ARHGEF7: variants seen among roughly 807,000 people sequenced by gnomAD.
ARHGEF7 encodes Rho guanine nucleotide exchange factor 7.
ARHGEF7 carries 33 observed loss-of-function variants against 109.8 expected under a neutral mutation model. The ratio of observed to expected loss-of-function variants is 0.30; its 90% confidence interval spans 0.23 to 0.40. ARHGEF7 has a LOEUF of 0.40. Among genes scored for constraint, ARHGEF7 ranks in the 10% least tolerant of loss-of-function variants. The pLI is 1.00. For missense variants in ARHGEF7, 938 were observed against 1,098.5 expected (o/e 0.85, Z 2.07); for synonymous variants, 458 against 424.6 (o/e 1.08, Z -0.97).
At chr13:111,244,964 G>A (rs1040705320) in intron 8 of ARHGEF7, among the ~76,000 whole-genome samples, 13 of 152,168 alleles carry the variant, frequency 8.5e-5, no homozygotes, top group Admixed American at 2.6e-4. Context: ...AAAAGTTGTC[G>A]AGATGCTTGA....
intron 5 of ARHGEF7, among the ~76,000 whole-genome samples, chr13:111,231,320 C>T (rs569244488): frequency 1.3e-5 from 2 of 152,204 alleles, no homozygotes; most frequent in South Asian, 4.1e-4. Context: ...GATTGGTTTT[C>T]CTCCTTGTAG....
At chr13:111,221,533 C>CTATATATCTA (rs1594883612) in intron 5 of ARHGEF7, among the ~76,000 whole-genome samples, 2 of 33,810 alleles carry the variant, frequency 5.9e-5, no homozygotes, top group Admixed American at 4.1e-4. Flanking sequence ...CTATATATAT[C>CTATATATCTA]TATATATAGA....
intron 4 of ARHGEF7, among the ~76,000 whole-genome samples, chr13:111,214,633 T>C (rs1376379062): frequency 2.0e-5 from 3 of 152,238 alleles, no homozygotes; most frequent in Non-Finnish European, 4.4e-5. Flanking sequence ...TGACAGTTTC[T>C]GGATGGGATC....
chr13:111,220,245 C>T (rs1248037687), intron 5 of ARHGEF7, among the ~76,000 whole-genome samples: 1 of 152,206 alleles, frequency 6.6e-6, no homozygotes, highest in Non-Finnish European at 1.5e-5. Flanking sequence ...AGGAGGACCT[C>T]GTTCGTTGCT....
intron 8 of ARHGEF7, among the ~76,000 whole-genome samples, chr13:111,253,430 T>A (rs2090031360): frequency 6.6e-6 from 1 of 152,246 alleles, no homozygotes; most frequent in Non-Finnish European, 1.5e-5. Context: ...AGAAGCCCTC[T>A]TATGGAACAT....
At chr13:111,128,708 A>G (rs1053169779) in intron 1 of ARHGEF7, among the ~76,000 whole-genome samples, 3 of 152,148 alleles carry the variant, frequency 2.0e-5, no homozygotes, top group African/African-American at 7.2e-5. Flanking sequence ...AAACATGTAC[A>G]CTCTCAGCAA....
intron 1 of ARHGEF7, among the ~76,000 whole-genome samples, chr13:111,128,512 C>T (rs1353885455): frequency 1.3e-5 from 2 of 152,038 alleles, no homozygotes; most frequent in African/African-American, 4.8e-5. Context: ...AACAAACAAA[C>T]AAACAAACAA....
intron 2 of ARHGEF7, among the ~76,000 whole-genome samples, chr13:111,161,732 T>C (rs1341235683): frequency 1.4e-5 from 2 of 148,070 alleles, no homozygotes; most frequent in Non-Finnish European, 3.0e-5. Context: ...TTAGTATTTC[T>C]TTTTTGGTAA....
rs965898616 is a variant in ARHGEF7, at chr13:111,292,427, T to C, written c.2311+133T>C. ...TGTTCCTTGTCTCTTTTATGTGATA[T>C]TTTAACAACTTTTGAGAGTGTTCCT... On this transcript the variant is annotated intron_variant, in intron 19 of 21. Coordinates refer to ENST00000646102, the MANE Select transcript of ARHGEF7 (RefSeq NM_001354046.2). 6 of 1,472,348 alleles carry C rather than the reference T, an allele frequency of 4.1e-6. No individual in the cohort carries two copies. The Admixed American group carries it at 7.7e-5, about 19-fold the overall frequency. 91.2% of individuals were successfully genotyped at this position (1,472,348 alleles called of 1,614,324 possible).
At chr13:111,244,133 T>C (rs2088340083) in intron 7 of ARHGEF7, 66 bp from the exon 8 acceptor site, 1 of 1,331,564 alleles carries the variant, frequency 7.5e-7, no homozygotes, top group Admixed American at 2.0e-5. Context: ...GACATTGGGA[T>C]GGCAAAGGAG....
rs1248198676 is a variant in ARHGEF7 at position 111,273,805 on chromosome 13, G to T, written c.1074-9G>T. The T allele has an allele frequency of 1.9e-6, 3 of 1,613,930 alleles. No individual in the cohort carries two copies. In the African/African-American group the frequency reaches 4.0e-5, roughly 22 times the overall value. On this transcript the variant is annotated splice_polypyrimidine_tract_variant and intron_variant, in intron 9 of 21. Coordinates refer to ENST00000646102, the MANE Select transcript of ARHGEF7 (RefSeq NM_001354046.2). This position sits in a 1 kb window ranked among gnomAD's most constrained non-coding sequence, Gnocchi z 4.5. ...ACCACGAGTGTCTCTCTTGCCACTT[G>T]CTGCCCAGTGAGGAGTTGGGGGAGT...
intron 4 of ARHGEF7, among the ~76,000 whole-genome samples, chr13:111,210,538 G>C (rs924446087): frequency 6.6e-6 from 1 of 152,180 alleles, no homozygotes. Context: ...AACAGTTGTC[G>C]TGGAGAGTGA....
At position 111,297,715 on chromosome 13, in the gene ARHGEF7, C is replaced by G. The variant is rs536368199; in HGVS notation, c.2312-3033C>G. Among the ~76,000 whole-genome samples, 13 of 152,330 alleles carry G rather than the reference C, an allele frequency of 8.5e-5. No homozygotes were observed. In the East Asian group the frequency reaches 2.5e-3, roughly 29 times the overall value. Reference sequence around the variant, plus strand: ...TGGTTCTGGCTGGAGGCAGTGGACACGTGGCTCATGGCCTCACAACTCCCG... The same window carrying G: ...TGGTTCTGGCTGGAGGCAGTGGACAGGTGGCTCATGGCCTCACAACTCCCG... On this transcript the variant is annotated intron_variant, in intron 19 of 21. Coordinates refer to ENST00000646102, the MANE Select transcript of ARHGEF7 (RefSeq NM_001354046.2).
intron 2 of ARHGEF7, chr13:111,158,950 A>G: frequency 1.4e-6 from 1 of 713,850 alleles, no homozygotes; most frequent in Non-Finnish European, 2.6e-6. Context: ...GCTGTACAAT[A>G]GATCACTAAA....
intron 8 of ARHGEF7, among the ~76,000 whole-genome samples, chr13:111,248,701 A>AAAG (rs1432425010): frequency 5.8e-4 from 89 of 152,334 alleles, no homozygotes; most frequent in African/African-American, 2.0e-3. Context: ...TCGCTTAAAA[A>AAAG]AAGTGTTTAG....
chr13:111,278,884 G>C (rs1325005088), intron 13 of ARHGEF7, among the ~76,000 whole-genome samples: 1 of 152,194 alleles, frequency 6.6e-6, no homozygotes, highest in Non-Finnish European at 1.5e-5. Context: ...TGTGGCTGGT[G>C]CTTACACTGG....
chr13:111,224,027 G>C (rs982503665), intron 5 of ARHGEF7, among the ~76,000 whole-genome samples: 8 of 152,050 alleles, frequency 5.3e-5, no homozygotes, highest in Non-Finnish European at 1.2e-4. Flanking sequence ...CGGCTAATTT[G>C]TGTATTTTTA....
intron 2 of ARHGEF7, 115 bp downstream of exon 2, chr13:111,154,106 C>T: frequency 9.1e-7 from 1 of 1,093,152 alleles, no homozygotes; most frequent in Non-Finnish European, 1.3e-6. Context: ...ATCCGACCCT[C>T]CCCGGCTGCT....
intron 2 of ARHGEF7, among the ~76,000 whole-genome samples, chr13:111,164,946 C>T (rs1021497856): frequency 1.3e-5 from 2 of 152,116 alleles, no homozygotes; most frequent in Non-Finnish European, 2.9e-5. Flanking sequence ...GATAAGGACC[C>T]GTGATAATAT....
Sources: allele counts gnomAD v4.1 joint callset (sites outside exome capture counted in the v4.1 genomes callset), GRCh38; gene constraint gnomAD v4.1.1; non-coding constraint Gnocchi (gnomAD v3.1); transcripts MANE v1.5; gene names NCBI Gene and HGNC (gene_info 2026-07-23, HGNC 2026-07-21).